AFF3: variants seen among roughly 807,000 people sequenced by gnomAD.
The protein encoded by AFF3 is ALF transcription elongation factor 3, also known as AF4/FMR2 family member 3.
AFF3 carries 32 observed loss-of-function variants against 129.7 expected under a neutral mutation model. That is an observed-to-expected ratio of 0.25 (90% confidence interval 0.19 to 0.33). The LOEUF is 0.33. Among genes scored for constraint, AFF3 ranks in the 10% least tolerant of loss-of-function variants. The pLI is 1.00. For synonymous variants in AFF3, 644 were observed against 635.4 expected, an observed-to-expected ratio of 1.01 and a Z score of -0.20; for missense variants, 1,373 against 1,592.0, an observed-to-expected ratio of 0.86 and a Z score of 2.34.
chr2:100,110,784 C>T (rs1214922741), intron 2 of AFF3, among the ~76,000 whole-genome samples: 2 of 152,342 alleles, frequency 1.3e-5, no homozygotes, highest in East Asian at 3.9e-4. Flanking sequence ...CAACATCCAT[C>T]TGCACTTGTC....
chr2:99,915,228 A>C (rs1312113047), intron 7 of AFF3, among the ~76,000 whole-genome samples: 1 of 152,222 alleles, frequency 6.6e-6, no homozygotes, highest in East Asian at 1.9e-4. Context: ...ACATATTATC[A>C]TCTGACAGCA....
At chr2:100,021,400 T>C (rs1393927622) in intron 4 of AFF3, among the ~76,000 whole-genome samples, 4 of 152,184 alleles carry the variant, frequency 2.6e-5, no homozygotes, top group Admixed American at 1.3e-4. Context: ...ATTAAAAATA[T>C]GTGGTAAATG....
Position 99,622,315 on chromosome 2 carries a change from T to C in AFF3, c.1185-20694A>G, listed in dbSNP as rs1450091290. On this transcript the variant is annotated intron_variant, in intron 13 of 24. Transcript: ENST00000672756. ...GGCTCCCACGTGCAGACGCTGAGAA[T>C]GAGCCCAACCCATGAGAGGCAAATT... Among the ~76,000 whole-genome samples the C allele has an allele frequency of 2.6e-5, 4 of 152,166 alleles. No homozygotes were observed. In the East Asian group the frequency reaches 7.7e-4, roughly 29 times the overall value.
chr2:100,076,025 C>T (rs766122625), intron 4 of AFF3, among the ~76,000 whole-genome samples: 4 of 152,094 alleles, frequency 2.6e-5, no homozygotes, highest in Non-Finnish European at 5.9e-5. Context: ...GACAGGTTAG[C>T]ATGCAAAGCA....
In AFF3 at chr2:100,008,815, G is replaced by A. The variant is rs147339837; in HGVS notation, c.171C>T (p.Tyr57=). 1.6e-4 allele frequency: 255 copies of A among 1,613,780 alleles called. No homozygotes were observed. Among genetic ancestry groups the A allele is most frequent in the Non-Finnish European group, 2.0e-4 (233 of 1,179,870 alleles). ...NSSYSLFSEP[Y]KTNKGDELSN... ...TGAACAACTGAAAACCATCTACCTTGTAGGGCTCACTGAAGAGAGAGTAAC... is the reference window on the plus strand; with the variant it reads ...TGAACAACTGAAAACCATCTACCTTATAGGGCTCACTGAAGAGAGAGTAAC... Residue 57 remains tyrosine (Y), a synonymous_variant, in exon 5 of 25, where the codon TAC becomes TAT. Transcript: ENST00000672756.
At position 99,601,395 on chromosome 2, in the gene AFF3, G is replaced by A. The variant is rs762438513; in HGVS notation, c.1371+40C>T. 5.9e-6 allele frequency: 9 copies of A among 1,535,594 alleles called. No individual in the cohort carries two copies. In the African/African-American group the frequency reaches 9.5e-5, roughly 16 times the overall value. On this transcript the variant is annotated intron_variant, in intron 14 of 24. Transcript: ENST00000672756. ...CGGACTTGCTATCCTCATAGAGACAGAAGTGGGCAGAGGAGAGGCCTGAGC... is the reference window on the plus strand; with the variant it reads ...CGGACTTGCTATCCTCATAGAGACAAAAGTGGGCAGAGGAGAGGCCTGAGC...
intron 7 of AFF3, among the ~76,000 whole-genome samples, chr2:99,891,828 A>ATTT (rs71376502): frequency 1.0e-3 from 147 of 147,106 alleles, no homozygotes; most frequent in South Asian, 4.1e-3. Context: ...CCACCAGCAC[A>ATTT]TTTTTTTTTT....
chr2:100,125,702 G>T (rs1692155002), intron 2 of AFF3, among the ~76,000 whole-genome samples: 1 of 152,152 alleles, frequency 6.6e-6, no homozygotes, highest in Non-Finnish European at 1.5e-5. Context: ...TCACCTTGGG[G>T]AGGGGAATGT....
At chr2:99,809,296 G>A (rs1686606746) in intron 8 of AFF3, among the ~76,000 whole-genome samples, 1 of 152,164 alleles carries the variant, frequency 6.6e-6, no homozygotes. Flanking sequence ...AACAAGGAGC[G>A]GCTACAGAGG....
intron 4 of AFF3, among the ~76,000 whole-genome samples, chr2:100,084,812 T>C (rs71413863): frequency 6.6e-6 from 1 of 151,442 alleles, no homozygotes; most frequent in African/African-American, 2.4e-5. Context: ...AAATTTATTA[T>C]GAAGGATTTA....
At chr2:99,826,711 C>G (rs1219255772) in intron 8 of AFF3, among the ~76,000 whole-genome samples, 1 of 152,054 alleles carries the variant, frequency 6.6e-6, no homozygotes, top group Non-Finnish European at 1.5e-5. Flanking sequence ...TGGAAGCATA[C>G]GCACGGCCAC....
At position 99,876,534 on chromosome 2, in the gene AFF3, C is replaced by A. The variant is rs189255615; in HGVS notation, c.874-39010G>T. ...TGTATCCTAAGGTACCATCACCTCTCCCCCGGCCTGTGTCCCACTTTCCAT... is the reference window on the plus strand; with the variant it reads ...TGTATCCTAAGGTACCATCACCTCTACCCCGGCCTGTGTCCCACTTTCCAT... On this transcript the variant is annotated intron_variant, in intron 7 of 24. Transcript: ENST00000672756. Among the ~76,000 whole-genome samples the A allele has an allele frequency of 8.1e-4, 124 of 152,218 alleles. 1 individual carries two copies. The highest frequency in any genetic ancestry group is 2.9e-3 in the African/African-American group (119 of 41,542).
intron 7 of AFF3, among the ~76,000 whole-genome samples, chr2:99,868,016 C>CTTTTTTTT (rs531223035): frequency 7.3e-6 from 1 of 136,166 alleles, no homozygotes. Context: ...CTCTTTCTTT[C>CTTTTTTTT]CTTTTTTTTT....
intron 4 of AFF3, among the ~76,000 whole-genome samples, chr2:100,052,578 T>C (rs967954353): frequency 6.6e-6 from 1 of 152,134 alleles, no homozygotes; most frequent in South Asian, 2.1e-4. Context: ...GTCCCCACTC[T>C]ATGTGCAGGG....
At chr2:99,894,525 G>A (rs1161358314) in intron 7 of AFF3, among the ~76,000 whole-genome samples, 1 of 151,372 alleles carries the variant, frequency 6.6e-6, no homozygotes, top group African/African-American at 2.4e-5. Flanking sequence ...CTGGAGTGCA[G>A]TGGCGCGATC....
At chr2:99,848,538 T>C (rs755105378) in intron 7 of AFF3, among the ~76,000 whole-genome samples, 9 of 152,176 alleles carry the variant, frequency 5.9e-5, no homozygotes, top group Non-Finnish European at 1.3e-4. Context: ...ACCAAGAATT[T>C]ACCTTTCCAA....
chr2:99,779,198 C>T (rs957418521), intron 8 of AFF3, among the ~76,000 whole-genome samples: 1 of 152,088 alleles, frequency 6.6e-6, no homozygotes, highest in Non-Finnish European at 1.5e-5. Flanking sequence ...TGGAGGAGGG[C>T]TGCCTCTGTT....
At chr2:99,723,136 A>T (rs1340662265) in intron 11 of AFF3, among the ~76,000 whole-genome samples, 1 of 152,208 alleles carries the variant, frequency 6.6e-6, no homozygotes, top group Non-Finnish European at 1.5e-5. Flanking sequence ...TCTGTCACAG[A>T]CATTTTAATT....
At chr2:99,812,415 C>T (rs957208063) in intron 8 of AFF3, among the ~76,000 whole-genome samples, 7 of 152,174 alleles carry the variant, frequency 4.6e-5, no homozygotes, top group African/African-American at 7.2e-5. Context: ...CACAAAGGCA[C>T]GGAGGACACA....
Sources: gnomAD v4.1 joint callset for allele counts (sites outside exome capture counted in the v4.1 genomes callset) on GRCh38, gnomAD v4.1.1 for gene constraint, MANE v1.5 for transcripts, NCBI Gene and HGNC (gene_info 2026-07-23, HGNC 2026-07-21) for gene names.